ARMH4: variants seen among roughly 807,000 people sequenced by gnomAD.
ARMH4 encodes the protein armadillo-like helical domain-containing protein 4.
A neutral mutation model predicts 61.9 loss-of-function variants in ARMH4; 49 were observed. The ratio of observed to expected loss-of-function variants is 0.79; its 90% CI spans 0.63 to 1.00. The LOEUF is 1.00. ARMH4 is among the 50% of genes least tolerant of loss of function. The probability of loss-of-function intolerance (pLI) is 0.00; values close to 1 mark genes in which losing one functional copy is unlikely to be tolerated. For missense variants in ARMH4, 934 were observed against 930.0 expected (o/e 1.00, Z -0.06); for synonymous variants, 368 against 341.5 (o/e 1.08, Z -0.85).
chr14:58,093,134 G>C (rs1375149091), intron 5 of ARMH4, among the ~76,000 whole-genome samples: 1 of 152,114 alleles, frequency 6.6e-6, no homozygotes, highest in East Asian at 1.9e-4. Flanking sequence ...GGTGAGGAAA[G>C]ACATGTTTGC....
At chr14:58,060,635 G>T (rs114418085) in intron 5 of ARMH4, among the ~76,000 whole-genome samples, 339 of 152,216 alleles carry the variant, frequency 2.2e-3, no homozygotes, top group African/African-American at 7.7e-3. Flanking sequence ...CATCGAATCT[G>T]TATTAAAAGT....
intron 4 of ARMH4, among the ~76,000 whole-genome samples, chr14:58,106,184 G>A (rs1454722542): frequency 6.6e-6 from 1 of 152,116 alleles, no homozygotes; most frequent in African/African-American, 2.4e-5. Flanking sequence ...CAGGAACGAC[G>A]GGCTCCTTGC....
At chr14:58,124,107 T>G (rs1340624579) in intron 4 of ARMH4, among the ~76,000 whole-genome samples, 1 of 152,166 alleles carries the variant, frequency 6.6e-6, no homozygotes, top group Non-Finnish European at 1.5e-5. Context: ...CTGCCAAATA[T>G]GGATATTCCC....
At chr14:58,089,162 CTTAA>C (rs1429367194) in intron 5 of ARMH4, among the ~76,000 whole-genome samples, 1 of 152,204 alleles carries the variant, frequency 6.6e-6, no homozygotes, top group Admixed American at 6.5e-5. Context: ...CATACACATA[CTTAA>C]TTATGTTAGT....
intron 5 of ARMH4, among the ~76,000 whole-genome samples, chr14:58,058,685 G>A (rs906006184): frequency 5.3e-5 from 8 of 152,180 alleles, no homozygotes; most frequent in East Asian, 3.8e-4. Flanking sequence ...GGTCACGTTC[G>A]TGGCCATCTT....
chr14:58,024,310 C>T (rs1384395684), intron 5 of ARMH4, among the ~76,000 whole-genome samples: 4 of 152,182 alleles, frequency 2.6e-5, no homozygotes, highest in Non-Finnish European at 5.9e-5. Flanking sequence ...TCCCTCTGTA[C>T]TTTTATATTA....
chr14:58,037,609 C>G (rs201831649), intron 5 of ARMH4, among the ~76,000 whole-genome samples: 11 of 14,360 alleles, frequency 7.7e-4, no homozygotes, highest in East Asian at 8.9e-3. Context: ...TCAGAGTGAA[C>G]AGGCAACCTA....
At chr14:58,119,843 C>T (rs985751786) in intron 4 of ARMH4, among the ~76,000 whole-genome samples, 7 of 152,258 alleles carry the variant, frequency 4.6e-5, no homozygotes, top group African/African-American at 1.4e-4. Flanking sequence ...TGGTTGATTG[C>T]ACGGCTATAA....
intron 5 of ARMH4, among the ~76,000 whole-genome samples, chr14:58,025,692 T>C (rs1882998292): frequency 6.6e-6 from 1 of 152,212 alleles, no homozygotes; most frequent in South Asian, 2.1e-4. Context: ...AAGTTTTAAG[T>C]ATTATCTGCA....
chr14:58,065,569 G>A (rs185132700), intron 5 of ARMH4, among the ~76,000 whole-genome samples: 64 of 152,328 alleles, frequency 4.2e-4, no homozygotes, highest in Admixed American at 3.5e-3. Flanking sequence ...CTTTACTGGA[G>A]GAGAGAAATT....
At position 58,062,082 on chromosome 14, in the gene ARMH4, T is replaced by A. The variant is rs1884550301; in HGVS notation, c.2089+34642A>T. ...GGCTGGATGCAGTGACTCATGCCTG[T>A]AATCCTAGCACTTTGGGAGGCCAAG... is the stretch of plus-strand genomic sequence containing the variant. On this transcript the variant is annotated intron_variant, in intron 5 of 7. Coordinates refer to ENST00000267485, the MANE Select transcript of ARMH4 (RefSeq NM_001001872.4). Among the ~76,000 whole-genome samples, 4 of 152,152 alleles carry A rather than the reference T, an allele frequency of 2.6e-5. 1 individual carries two copies. The South Asian group carries it at 8.3e-4, about 31-fold the overall frequency.
intron 4 of ARMH4, among the ~76,000 whole-genome samples, chr14:58,124,458 A>G (rs1419274707): frequency 6.6e-6 from 1 of 152,150 alleles, no homozygotes; most frequent in Non-Finnish European, 1.5e-5. Context: ...GAAGCAGTTA[A>G]AATAATACAG....
Position 58,004,570 on chromosome 14 carries a change from C to T in ARMH4, c.*166G>A, listed in dbSNP as rs1882089047. The stretch of plus-strand genomic sequence containing the variant: ...ATGATACGTTTAGTATACAACATGC[C>T]ATTTCTGCTCAGTACAAGAAAAATC... On this transcript the variant is annotated 3_prime_UTR_variant, in exon 8 of 8. Coordinates refer to ENST00000267485, the MANE Select transcript of ARMH4 (RefSeq NM_001001872.4). 1.0e-5 allele frequency: 6 copies of T among 592,262 alleles called. No individual in the cohort carries two copies. The highest frequency in any genetic ancestry group is 2.7e-5 in the Admixed American group (1 of 36,596). 36.7% of individuals were successfully genotyped at this position (592,262 alleles called of 1,614,324 possible). A position where few individuals can be genotyped will look rare whatever the true frequency, so the allele number is the denominator to read the frequency against.
intron 5 of ARMH4, among the ~76,000 whole-genome samples, chr14:58,089,969 G>C (rs1161423303): frequency 6.6e-6 from 1 of 152,172 alleles, no homozygotes; most frequent in Non-Finnish European, 1.5e-5. Context: ...CACACACTTT[G>C]TAGGTGCTCA....
At chr14:58,063,676 C>G (rs868361266) in intron 5 of ARMH4, among the ~76,000 whole-genome samples, 11 of 151,320 alleles carry the variant, frequency 7.3e-5, no homozygotes, top group Admixed American at 1.3e-4. Flanking sequence ...GGCTGAACAA[C>G]TTTTGCCAGG....
intron 4 of ARMH4, chr14:58,116,429 C>A: frequency 2.6e-6 from 1 of 389,008 alleles, no homozygotes. Context: ...AATTCCAACA[C>A]TTTGGGAGGC....
At chr14:58,148,246 C>A (rs1221003129) in intron 1 of ARMH4, among the ~76,000 whole-genome samples, 1 of 152,156 alleles carries the variant, frequency 6.6e-6, no homozygotes, top group Non-Finnish European at 1.5e-5. Flanking sequence ...GGGGTTTCAC[C>A]ATGTTGGCCA....
chr14:58,009,332 T>TC (rs1232689733), intron 6 of ARMH4, among the ~76,000 whole-genome samples: 3 of 152,074 alleles, frequency 2.0e-5, no homozygotes, highest in African/African-American at 7.2e-5. Flanking sequence ...GTCATTAGCC[T>TC]CCCCCTTTTT....
intron 5 of ARMH4, among the ~76,000 whole-genome samples, chr14:58,063,930 A>G (rs191857624): frequency 6.6e-6 from 1 of 152,342 alleles, no homozygotes; most frequent in African/African-American, 2.4e-5. Context: ...TAATCTGTTT[A>G]TATCAAATGG....
Sources: gnomAD v4.1 joint callset for allele counts (sites outside exome capture counted in the v4.1 genomes callset) on GRCh38, gnomAD v4.1.1 for gene constraint, MANE v1.5 for transcripts, NCBI Gene and HGNC (gene_info 2026-07-23, HGNC 2026-07-21) for gene names.